NLK: variants seen among roughly 807,000 people sequenced by gnomAD.
NLK encodes the protein nemo like kinase.
Under a neutral mutation model 59.0 loss-of-function variants are expected in NLK, and 11 were observed. The ratio of observed to expected loss-of-function variants is 0.19; its 90% CI spans 0.12 to 0.31. The LOEUF is 0.31. Ranked by LOEUF, NLK falls within the 10% of genes least tolerant of loss-of-function variation. The pLI, the probability that NLK is intolerant of heterozygous loss-of-function variation, is 1.00. For missense variants in NLK, 410 were observed against 661.1 expected (o/e 0.62, Z 4.16); for synonymous variants, 235 against 235.9 (o/e 1.00, Z 0.03).
At chr17:28,072,039 A>G (rs921332161) in intron 1 of NLK, among the ~76,000 whole-genome samples, 11 of 152,322 alleles carry the variant, frequency 7.2e-5, no homozygotes, top group African/African-American at 2.6e-4. Context: ...AACAAAAAGT[A>G]TGATTTCATT....
intron 3 of NLK, among the ~76,000 whole-genome samples, chr17:28,133,145 T>C (rs1906590071): frequency 6.6e-6 from 1 of 152,246 alleles, no homozygotes; most frequent in Non-Finnish European, 1.5e-5. Context: ...GTAGTGGTGA[T>C]ATTGACATAA....
intron 3 of NLK, among the ~76,000 whole-genome samples, chr17:28,133,245 G>A (rs980064537): frequency 6.6e-6 from 1 of 152,072 alleles, no homozygotes; most frequent in African/African-American, 2.4e-5. Flanking sequence ...CATTCTCTGG[G>A]GAAGGTATTG....
intron 1 of NLK, among the ~76,000 whole-genome samples, chr17:28,078,199 G>T (rs922216847): frequency 6.6e-6 from 1 of 151,940 alleles, no homozygotes; most frequent in Non-Finnish European, 1.5e-5. Context: ...CTGAATGGGG[G>T]TTTAGATCAT....
intron 1 of NLK, among the ~76,000 whole-genome samples, chr17:28,067,784 G>A (rs911561414): frequency 1.3e-5 from 2 of 151,326 alleles, no homozygotes; most frequent in East Asian, 1.9e-4. Context: ...GGATTATGGC[G>A]TTCAAAATTG....
At chr17:28,142,077 A>T (rs1049566284) in intron 3 of NLK, among the ~76,000 whole-genome samples, 2 of 152,224 alleles carry the variant, frequency 1.3e-5, no homozygotes, top group African/African-American at 2.4e-5. Context: ...TTAAAATAAC[A>T]TCATTTTCTC....
intron 1 of NLK, among the ~76,000 whole-genome samples, chr17:28,044,854 T>A (rs1343785260): frequency 6.6e-6 from 1 of 152,238 alleles, no homozygotes; most frequent in African/African-American, 2.4e-5. Context: ...ATGCTTACTT[T>A]CTTTTTTAGT....
intron 1 of NLK, among the ~76,000 whole-genome samples, chr17:28,089,364 A>G (rs1180785247): frequency 6.6e-6 from 1 of 151,876 alleles, no homozygotes; most frequent in Non-Finnish European, 1.5e-5. Flanking sequence ...CACGCAGCTT[A>G]TTTATTTTGA....
At chr17:28,180,593 C>A (rs2142064873) in intron 7 of NLK, among the ~76,000 whole-genome samples, 1 of 152,294 alleles carries the variant, frequency 6.6e-6, no homozygotes, top group Middle Eastern at 3.4e-3. Flanking sequence ...CTCATGTCTT[C>A]TAGTACTTCT....
chr17:28,134,088 TAAAAATAA>T (rs920665161), intron 3 of NLK, among the ~76,000 whole-genome samples: 10 of 150,874 alleles, frequency 6.6e-5, no homozygotes, highest in Non-Finnish European at 1.3e-4. Context: ...GAAAAAAAAA[TAAAAATAA>T]AAAAATAAAA....
intron 2 of NLK, among the ~76,000 whole-genome samples, chr17:28,125,627 C>A (rs539346200): frequency 1.3e-5 from 2 of 152,128 alleles, no homozygotes; most frequent in Non-Finnish European, 2.9e-5. Context: ...TAATAGATCT[C>A]TGCTATCTCT....
intron 3 of NLK, among the ~76,000 whole-genome samples, chr17:28,152,035 T>C (rs1907501574): frequency 6.6e-6 from 1 of 152,030 alleles, no homozygotes; most frequent in Non-Finnish European, 1.5e-5. Flanking sequence ...CTGTGTTAGT[T>C]GAATTATATG....
At chr17:28,098,675 C>CTTTTTTTTTTTTTT (rs781294029) in intron 1 of NLK, among the ~76,000 whole-genome samples, 4 of 67,570 alleles carry the variant, frequency 5.9e-5, no homozygotes, top group Admixed American at 1.6e-4. Flanking sequence ...CATTACCATT[C>CTTTTTTTTTTTTTT]TTTTTTTTTT....
At chr17:28,198,778 C>A (rs924671312), downstream of NLK, among the ~76,000 whole-genome samples, 1 of 152,170 alleles carries the variant, frequency 6.6e-6, no homozygotes, top group African/African-American at 2.4e-5. Flanking sequence ...CCTGGGTTGC[C>A]AACTACAGGG....
intron 1 of NLK, among the ~76,000 whole-genome samples, chr17:28,051,033 T>C (rs1009861042): frequency 2.1e-5 from 3 of 145,492 alleles, no homozygotes; most frequent in Non-Finnish European, 4.5e-5. Context: ...TGAGCTGATA[T>C]CACACCACTG....
chr17:28,091,122 G>A (rs1463781612), intron 1 of NLK, among the ~76,000 whole-genome samples: 4 of 152,052 alleles, frequency 2.6e-5, no homozygotes, highest in Non-Finnish European at 4.4e-5. Flanking sequence ...ACATCAACAT[G>A]GATAAATTGT....
At chr17:28,065,464 A>G (rs976905946) in intron 1 of NLK, among the ~76,000 whole-genome samples, 1 of 152,190 alleles carries the variant, frequency 6.6e-6, no homozygotes, top group Non-Finnish European at 1.5e-5. Context: ...GATGAGAACA[A>G]GAGGTTGGAT....
chr17:28,142,147 C>G (rs755243973), intron 3 of NLK, among the ~76,000 whole-genome samples: 94 of 152,306 alleles, frequency 6.2e-4, no homozygotes, highest in Non-Finnish European at 8.7e-4. Context: ...AAATACTCAT[C>G]TGACAGACCT....
At chr17:28,201,877 G>A in the NLK span, among the ~76,000 whole-genome samples, 12 of 152,084 alleles carry the variant, frequency 7.9e-5, no homozygotes, top group African/African-American at 1.7e-4. Flanking sequence ...TTAGCCGGCC[G>A]TGGTGGCTCA....
intron 6 of NLK, among the ~76,000 whole-genome samples, chr17:28,172,041 C>A (rs1908482982): frequency 6.7e-6 from 1 of 149,960 alleles, no homozygotes; most frequent in African/African-American, 2.5e-5. Flanking sequence ...ATAGGATAAT[C>A]CTATATATAA....
Sources: gnomAD v4.1 joint callset for allele counts (sites outside exome capture counted in the v4.1 genomes callset) on GRCh38, gnomAD v4.1.1 for gene constraint, MANE v1.5 for transcripts, NCBI Gene and HGNC (gene_info 2026-07-23, HGNC 2026-07-21) for gene names.